Variants in NIBAN1 observed in about 807,000 individuals in gnomAD.
NIBAN1 encodes the protein niban apoptosis regulator 1, also known as protein Niban 1.
In NIBAN1, 81 loss-of-function variants were observed where a neutral mutation model predicts 75.1. The ratio of observed to expected loss-of-function variants is 1.08; its 90% CI spans 0.90 to 1.30. The LOEUF is 1.30. NIBAN1 is among the 50% of genes most tolerant of loss of function. The probability of loss-of-function intolerance (pLI) is 0.00; values close to 1 mark genes in which losing one functional copy is unlikely to be tolerated. For synonymous variants in NIBAN1, 436 were observed against 424.8 expected (o/e 1.03, Z -0.32); for missense variants, 1,133 against 1,128.1 (o/e 1.00, Z -0.06).
At chr1:184,927,830 G>T (rs1414926724) in intron 1 of NIBAN1, among the ~76,000 whole-genome samples, 1 of 151,918 alleles carries the variant, frequency 6.6e-6, no homozygotes, top group African/African-American at 2.4e-5. Context: ...TCTACCTGGT[G>T]CTCTATTCTA....
intron 5 of NIBAN1, among the ~76,000 whole-genome samples, chr1:184,841,247 AG>A (rs1655278450): frequency 6.6e-6 from 1 of 152,190 alleles, no homozygotes; most frequent in Non-Finnish European, 1.5e-5. Context: ...GAATGAATAA[AG>A]GTACGAAGTT....
Position 184,794,880 on chromosome 1 carries a change from T to G in NIBAN1, c.*97A>C. ...TTATTATTCAAATTAAGAAAATACT[T>G]AAAAATTTTTTGGTAACAGCTTGCA... On this transcript the variant is annotated 3_prime_UTR_variant, in exon 14 of 14. Transcript: ENST00000367511. 1 of 1,543,590 alleles carries G rather than the reference T, an allele frequency of 6.5e-7. No homozygotes were observed. The highest frequency in any genetic ancestry group is 1.1e-5 in the South Asian group (1 of 89,018).
At chr1:184,904,949 A>T (rs1029641666) in intron 1 of NIBAN1, among the ~76,000 whole-genome samples, 8 of 152,152 alleles carry the variant, frequency 5.3e-5, no homozygotes, top group East Asian at 1.9e-4. Flanking sequence ...TGTCTCAAAA[A>T]AAAAAAATTC....
intron 5 of NIBAN1, among the ~76,000 whole-genome samples, chr1:184,874,579 T>C (rs1656186737): frequency 6.6e-6 from 1 of 152,084 alleles, no homozygotes; most frequent in East Asian, 1.9e-4. Context: ...CATATATATG[T>C]GTATGTATAT....
intron 1 of NIBAN1, among the ~76,000 whole-genome samples, chr1:184,968,332 A>C (rs1487390030): frequency 6.6e-6 from 1 of 152,254 alleles, no homozygotes; most frequent in Non-Finnish European, 1.5e-5. Flanking sequence ...CAAAGACCAA[A>C]GGAAATAGAA....
chr1:184,854,670 A>G (rs750375071), intron 5 of NIBAN1, among the ~76,000 whole-genome samples: 80 of 152,328 alleles, frequency 5.3e-4, no homozygotes, highest in Non-Finnish European at 2.1e-4. Flanking sequence ...GATCATTTCC[A>G]AACAGGATAC....
intron 1 of NIBAN1, among the ~76,000 whole-genome samples, chr1:184,921,128 CAAAA>C (rs59270543): frequency 9.2e-6 from 1 of 108,752 alleles, no homozygotes; most frequent in African/African-American, 3.4e-5. Context: ...GGCTCTGTCT[CAAAA>C]AAAAAAAAAA....
chr1:184,810,491 C>T (rs1293488931), intron 9 of NIBAN1, among the ~76,000 whole-genome samples: 2 of 152,158 alleles, frequency 1.3e-5, no homozygotes, highest in African/African-American at 4.8e-5. Flanking sequence ...TCCATACTTC[C>T]ATATTTTAGT....
intron 1 of NIBAN1, among the ~76,000 whole-genome samples, chr1:184,905,638 C>T (rs1383014747): frequency 2.0e-5 from 3 of 152,130 alleles, no homozygotes; most frequent in African/African-American, 7.2e-5. Flanking sequence ...TTCAAGCCCA[C>T]ATGACAGTCC....
chr1:184,912,008 T>C (rs1484468850), intron 1 of NIBAN1, among the ~76,000 whole-genome samples: 1 of 152,128 alleles, frequency 6.6e-6, no homozygotes, highest in East Asian at 1.9e-4. Flanking sequence ...CTAAAACTGG[T>C]GTTTACACCT....
Position 184,796,026 on chromosome 1 carries a change from C to G in NIBAN1, c.1738G>C (p.Val580Leu). 1 of 1,609,998 alleles carries G rather than the reference C, an allele frequency of 6.2e-7. No homozygotes were observed. Among genetic ancestry groups the G allele is most frequent in the Non-Finnish European group, 8.5e-7 (1 of 1,179,264 alleles). ...GGCTTTAGATCTGTTAAGCTGGACA[C>G]ACTTTCACTGGGCAAGGCCATGTTA... ...EDNMALPSES[V>L]SSLTDLKPPT... is the part of the protein sequence containing the mutation. Residue 580 changes from valine (V) to leucine (L), a missense_variant, in exon 14 of 14, where the codon GTG becomes CTG. Coordinates refer to ENST00000367511, the MANE Select transcript of NIBAN1 (RefSeq NM_052966.4).
chr1:184,858,932 G>C lies in NIBAN1; in HGVS notation c.601+25701C>G, dbSNP rs753747409. Among the ~76,000 whole-genome samples the C allele has an allele frequency of 4.6e-5, 7 of 151,786 alleles. No individual in the cohort carries two copies. The South Asian group carries it at 6.2e-4, about 14-fold the overall frequency. On this transcript the variant is annotated intron_variant, in intron 5 of 13. Coordinates refer to ENST00000367511, the MANE Select transcript of NIBAN1 (RefSeq NM_052966.4). ...GTGAAAAAAAGAAAAATAGAGAAAA[G>C]TGTATCACATGGTCACCTTAAAAAA...
intron 1 of NIBAN1, among the ~76,000 whole-genome samples, chr1:184,967,759 G>C (rs1454271789): frequency 6.6e-6 from 1 of 152,166 alleles, no homozygotes; most frequent in African/African-American, 2.4e-5. Flanking sequence ...CAAGACCAGG[G>C]CTTGATTCAT....
chr1:184,878,924 G>T (rs1656303260), intron 5 of NIBAN1, among the ~76,000 whole-genome samples: 1 of 152,128 alleles, frequency 6.6e-6, no homozygotes, highest in African/African-American at 2.4e-5. Flanking sequence ...ATGGACCAGG[G>T]GTGAGGGGAA....
chr1:184,797,553 C>T (rs943178308), intron 13 of NIBAN1, among the ~76,000 whole-genome samples: 2 of 151,272 alleles, frequency 1.3e-5, no homozygotes, highest in Admixed American at 1.3e-4. Context: ...CGTGGCACTG[C>T]ATCATCACCC....
At chr1:184,863,240 G>C (rs1228899110) in intron 5 of NIBAN1, among the ~76,000 whole-genome samples, 2 of 152,050 alleles carry the variant, frequency 1.3e-5, no homozygotes, top group Non-Finnish European at 2.9e-5. Flanking sequence ...TCTTCCTCTG[G>C]AACTACTGAT....
intron 1 of NIBAN1, among the ~76,000 whole-genome samples, chr1:184,904,905 C>T (rs112687733): frequency 4.4e-4 from 66 of 150,782 alleles, no homozygotes; most frequent in African/African-American, 1.5e-3. Context: ...GAGCCAAGAT[C>T]GCACCACTGC....
At chr1:184,941,508 G>C in intron 1 of NIBAN1, among the ~76,000 whole-genome samples, 1 of 152,006 alleles carries the variant, frequency 6.6e-6, no homozygotes, top group Non-Finnish European at 1.5e-5. Flanking sequence ...AAACTAGCCA[G>C]GCATGGTGGC....
intron 3 of NIBAN1, 98 bp downstream of exon 3, chr1:184,893,977 G>T (rs1300210065): frequency 1.6e-6 from 2 of 1,265,014 alleles, no homozygotes; most frequent in Admixed American, 2.7e-5. Flanking sequence ...TGCTGATTTT[G>T]TTAGTATAGC....
Sources: allele counts gnomAD v4.1 joint callset (sites outside exome capture counted in the v4.1 genomes callset), GRCh38; gene constraint gnomAD v4.1.1; transcripts MANE v1.5; gene names NCBI Gene and HGNC (gene_info 2026-07-23, HGNC 2026-07-21).